The following UBE2G1 variants were observed in gnomAD, a reference collection of about 807,000 sequenced individuals.
UBE2G1 encodes ubiquitin-conjugating enzyme E2 G1.
UBE2G1 carries 5 observed loss-of-function variants against 22.7 expected under a neutral mutation model. That is an observed-to-expected ratio of 0.22 (90% CI 0.12 to 0.46). The LOEUF (loss-of-function observed/expected upper bound fraction) is 0.46. Ranked by LOEUF, UBE2G1 falls within the 20% of genes least tolerant of loss-of-function variation. UBE2G1 has a pLI of 0.99. For synonymous variants in UBE2G1, 74 were observed against 67.5 expected (o/e 1.10, Z -0.47); for missense variants, 88 against 203.9 (o/e 0.43, Z 3.46).
chr17:4,311,037 C>G (rs1312119329), intron 1 of UBE2G1, among the ~76,000 whole-genome samples: 1 of 151,912 alleles, frequency 6.6e-6, no homozygotes, highest in Non-Finnish European at 1.5e-5. Context: ...ATGGCAAACC[C>G]CTGTCTCTAC....
intron 1 of UBE2G1, among the ~76,000 whole-genome samples, chr17:4,349,786 T>A (rs779764360): frequency 1.1e-4 from 17 of 149,838 alleles, no homozygotes; most frequent in Non-Finnish European, 2.1e-4. Context: ...GAGCTTGCAG[T>A]GAGCCGAGAT....
intron 1 of UBE2G1, among the ~76,000 whole-genome samples, chr17:4,322,480 A>G (rs578002173): frequency 6.6e-6 from 1 of 152,336 alleles, no homozygotes; most frequent in East Asian, 1.9e-4. Flanking sequence ...TCTTCTCCTT[A>G]TAATCACATT....
At chr17:4,284,793 C>T (rs1365816985) in intron 4 of UBE2G1, among the ~76,000 whole-genome samples, 5 of 142,254 alleles carry the variant, frequency 3.5e-5, no homozygotes, top group African/African-American at 7.8e-5. Context: ...TTTTTCCCCC[C>T]GAGACTGTCA....
intron 1 of UBE2G1, among the ~76,000 whole-genome samples, chr17:4,321,726 C>T (rs542911672): frequency 1.3e-5 from 2 of 152,118 alleles, no homozygotes; most frequent in Admixed American, 6.6e-5. Context: ...CTCCTGAGCT[C>T]GCCCCCCAAC....
chr17:4,287,130 G>A (rs1567515395), intron 4 of UBE2G1, among the ~76,000 whole-genome samples: 1 of 144,180 alleles, frequency 6.9e-6, no homozygotes, highest in African/African-American at 2.6e-5. Context: ...TTTAGATGGA[G>A]TCTTGCACTG....
rs148034540 is a variant in UBE2G1 at position 4,334,799 on chromosome 17, A to T, written c.47-27676T>A. 3.1e-3 allele frequency among the ~76,000 whole-genome samples: 469 copies of T among 152,230 alleles called. 1 individual carries two copies. The highest frequency in any genetic ancestry group is 0.01 in the African/African-American group (429 of 41,534). ...ACTGATCCACCCGCCTCAGCATCCC[A>T]AAGTGCTGGGATTACAGGTGGTTTT... On this transcript the variant is annotated intron_variant, in intron 1 of 5. Coordinates refer to ENST00000396981, the MANE Select transcript of UBE2G1 (RefSeq NM_003342.5).
intron 1 of UBE2G1, among the ~76,000 whole-genome samples, chr17:4,342,628 T>C (rs1459491537): frequency 6.6e-6 from 1 of 152,154 alleles, no homozygotes; most frequent in African/African-American, 2.4e-5. Flanking sequence ...CCAACAGCTC[T>C]ATTTAGGAAA....
At chr17:4,294,415 C>CAAAAAAAAAAAAAAA (rs68047533) in intron 3 of UBE2G1, among the ~76,000 whole-genome samples, 1 of 117,202 alleles carries the variant, frequency 8.5e-6, no homozygotes, top group African/African-American at 4.4e-5. Context: ...GACTCCGTCT[C>CAAAAAAAAAAAAAAA]AAAAAAAAAA....
chr17:4,327,336 A>G (rs1442865098), intron 1 of UBE2G1, among the ~76,000 whole-genome samples: 1 of 151,226 alleles, frequency 6.6e-6, no homozygotes, highest in Non-Finnish European at 1.5e-5. Flanking sequence ...GTAGTGGCGT[A>G]GTGGCGGGCA....
chr17:4,289,846 A>G lies in UBE2G1; in HGVS notation c.248-438T>C, dbSNP rs565134143. ...TAACTTACCGACTTAAATTGGTAAT[A>G]GTCAAAGGCCCAGAGACTATTCCTA... On this transcript the variant is annotated intron_variant, in intron 3 of 5. Coordinates refer to ENST00000396981, the MANE Select transcript of UBE2G1 (RefSeq NM_003342.5). Among the ~76,000 whole-genome samples, 4 of 152,344 alleles carry G rather than the reference A, an allele frequency of 2.6e-5. No homozygotes were observed. In the East Asian group the frequency reaches 5.8e-4, roughly 22 times the overall value.
chr17:4,283,634 C>A (rs1474369463), intron 4 of UBE2G1, among the ~76,000 whole-genome samples: 1 of 152,044 alleles, frequency 6.6e-6, no homozygotes, highest in Non-Finnish European at 1.5e-5. Flanking sequence ...ATACTAAGTA[C>A]CATTTCTACT....
In UBE2G1 at chr17:4,269,388, A is replaced by G. The variant is rs921972389; in HGVS notation, c.*3166T>C. ...CAATCAACAAATTACAGAACTAAAA[A>G]AACTGAAATGAAGCAACATTATGTC... On this transcript the variant is annotated 3_prime_UTR_variant, in exon 6 of 6. Coordinates refer to ENST00000396981, the MANE Select transcript of UBE2G1 (RefSeq NM_003342.5). 5 of 152,886 alleles carry G rather than the reference A, an allele frequency of 3.3e-5. No homozygotes were observed. The highest frequency in any genetic ancestry group is 7.3e-5 in the Non-Finnish European group (5 of 68,336). 9.5% of individuals were successfully genotyped at this position (152,886 alleles called of 1,614,324 possible).
At chr17:4,288,388 G>C (rs894266998) in intron 4 of UBE2G1, among the ~76,000 whole-genome samples, 3 of 151,916 alleles carry the variant, frequency 2.0e-5, no homozygotes, top group Non-Finnish European at 2.9e-5. Context: ...CACCACGCCC[G>C]GCTAATTTTT....
intron 1 of UBE2G1, among the ~76,000 whole-genome samples, chr17:4,315,061 G>C (rs1195442528): frequency 6.6e-6 from 1 of 152,090 alleles, no homozygotes; most frequent in Admixed American, 6.5e-5. Flanking sequence ...TGTTGTGCTG[G>C]GGGTTTTCTT....
chr17:4,357,870 CAGG>C (rs1487558318), intron 1 of UBE2G1, among the ~76,000 whole-genome samples: 1 of 151,970 alleles, frequency 6.6e-6, no homozygotes, highest in Non-Finnish European at 1.5e-5. Flanking sequence ...GAGGCCAAGA[CAGG>C]AGGACTGCTT....
intron 5 of UBE2G1, among the ~76,000 whole-genome samples, chr17:4,281,178 G>T (rs367766394): frequency 3.6e-4 from 55 of 152,226 alleles, no homozygotes; most frequent in African/African-American, 1.3e-3. Flanking sequence ...ATGAGAATAA[G>T]GAGTAGAGCG....
In UBE2G1 at chr17:4,299,420, A is replaced by T. The variant is rs541542674; in HGVS notation, c.150-2606T>A. 5.1e-4 allele frequency among the ~76,000 whole-genome samples: 77 copies of T among 152,222 alleles called. 1 individual carries two copies. The South Asian group carries it at 0.015, about 30-fold the overall frequency. On this transcript the variant is annotated intron_variant, in intron 2 of 5. Transcript: ENST00000396981. ...TCTCAACAACAACAAAAAAAGAGTC[A>T]ATGTAAAAGGACATCAAAGCCACTG...
At chr17:4,327,397 G>A (rs923284288) in intron 1 of UBE2G1, among the ~76,000 whole-genome samples, 13 of 152,154 alleles carry the variant, frequency 8.5e-5, no homozygotes, top group East Asian at 1.9e-4. Flanking sequence ...GCTTGGAACC[G>A]GGAAGCAGAG....
intron 1 of UBE2G1, among the ~76,000 whole-genome samples, chr17:4,321,371 C>T (rs1969435515): frequency 6.6e-6 from 1 of 151,768 alleles, no homozygotes; most frequent in African/African-American, 2.4e-5. Flanking sequence ...CACTGGGCAT[C>T]CTTCTGCCAC....
Sources: gnomAD v4.1 joint callset for allele counts (sites outside exome capture counted in the v4.1 genomes callset) on GRCh38, gnomAD v4.1.1 for gene constraint, MANE v1.5 for transcripts, NCBI Gene and HGNC (gene_info 2026-07-23, HGNC 2026-07-21) for gene names.